SHROOM3: variants seen among roughly 807,000 people sequenced by gnomAD.
SHROOM3 encodes the protein protein Shroom3.
SHROOM3 carries 47 observed loss-of-function variants against 138.6 expected under a neutral mutation model. That is an observed-to-expected ratio of 0.34 (90% CI 0.27 to 0.43). The LOEUF (loss-of-function observed/expected upper bound fraction) is 0.43, where lower values mean the gene tolerates loss of function less well. SHROOM3 is among the 20% of genes least tolerant of loss of function. The pLI, the probability that SHROOM3 is intolerant of heterozygous loss-of-function variation, is 1.00. For missense variants in SHROOM3, 2,491 were observed against 2,596.5 expected (o/e 0.96, Z 0.88); for synonymous variants, 1,062 against 1,063.3 (o/e 1.00, Z 0.02).
At chr4:76,671,282 T>C (rs537588825) in intron 2 of SHROOM3, among the ~76,000 whole-genome samples, 1 of 152,346 alleles carries the variant, frequency 6.6e-6, no homozygotes, top group East Asian at 1.9e-4. Context: ...CCCCACTCCA[T>C]CAGTGTCCAC....
chr4:76,561,988 G>T (rs1445517735), intron 2 of SHROOM3, among the ~76,000 whole-genome samples: 1 of 151,974 alleles, frequency 6.6e-6, no homozygotes, highest in Non-Finnish European at 1.5e-5. Context: ...TCCAGCTTGG[G>T]CAACAAGAGC....
chr4:76,742,157 TC>T (rs1721284926), intron 5 of SHROOM3: 2 of 577,054 alleles, frequency 3.5e-6, no homozygotes, highest in Admixed American at 5.3e-5. Context: ...AGATTCTCTA[TC>T]TATCTGTCTA....
chr4:76,638,914 AC>A (rs907042098), intron 2 of SHROOM3: 16 of 152,270 alleles, frequency 1.1e-4, no homozygotes, highest in African/African-American at 3.9e-4. Context: ...AGACCCTAAA[AC>A]TTTTGCTAAC....
intron 2 of SHROOM3, among the ~76,000 whole-genome samples, chr4:76,632,418 T>G (rs1409288740): frequency 1.3e-5 from 2 of 151,964 alleles, no homozygotes; most frequent in South Asian, 4.2e-4. Flanking sequence ...AGAAACTCAG[T>G]AGGGTGTGGA....
chr4:76,563,667 A>C (rs573262364), intron 2 of SHROOM3, among the ~76,000 whole-genome samples: 3 of 152,208 alleles, frequency 2.0e-5, no homozygotes, highest in Non-Finnish European at 4.4e-5. Context: ...ACATCAAAAG[A>C]TAACTATCAA....
At chr4:76,651,422 A>ATATATG in intron 2 of SHROOM3, among the ~76,000 whole-genome samples, 1 of 97,944 alleles carries the variant, frequency 1.0e-5, no homozygotes. Flanking sequence ...ATATATATAT[A>ATATATG]TATATATATA....
intron 2 of SHROOM3, among the ~76,000 whole-genome samples, chr4:76,708,408 GA>G (rs1720128719): frequency 6.6e-6 from 1 of 150,996 alleles, no homozygotes; most frequent in Non-Finnish European, 1.5e-5. Context: ...AGATGGAGTC[GA>G]AAACTTTGGT....
chr4:76,672,792 T>C (rs558845988), intron 2 of SHROOM3, among the ~76,000 whole-genome samples: 2 of 152,304 alleles, frequency 1.3e-5, no homozygotes, highest in Admixed American at 6.5e-5. Context: ...CAGGATGGTC[T>C]CATCTCCTGA....
intron 1 of SHROOM3, among the ~76,000 whole-genome samples, chr4:76,511,671 G>A (rs1732339289): frequency 6.6e-6 from 1 of 152,206 alleles, no homozygotes; most frequent in Non-Finnish European, 1.5e-5. Context: ...ATGGGGGCTT[G>A]GTAGTGCTCT....
At chr4:76,552,886 A>T (rs1579232230) in intron 1 of SHROOM3, among the ~76,000 whole-genome samples, 1 of 152,252 alleles carries the variant, frequency 6.6e-6, no homozygotes, top group East Asian at 1.9e-4. Flanking sequence ...TGACGTCTAT[A>T]AGTATCCATT....
At chr4:76,713,694 G>A (rs761663795) in intron 3 of SHROOM3, among the ~76,000 whole-genome samples, 1 of 152,134 alleles carries the variant, frequency 6.6e-6, no homozygotes, top group Non-Finnish European at 1.5e-5. Flanking sequence ...TACTTTTAGA[G>A]GACTGGCAAG....
In SHROOM3 at chr4:76,643,100, G is replaced by A. The variant is rs2007995; in HGVS notation, c.324-67056G>A. Among the ~76,000 whole-genome samples, 1,142 of 151,644 alleles carry A rather than the reference G, an allele frequency of 7.5e-3. 8 individuals carry two copies. Among genetic ancestry groups the A allele is most frequent in the Non-Finnish European group, 9.3e-3 (632 of 67,882 alleles). ...TGCATGCCTTTAATCCCAGCTACTC[G>A]GGATTACAGTAGCTGAGGCAGGAGA... On this transcript the variant is annotated intron_variant, in intron 2 of 10. Transcript: ENST00000296043.
At chr4:76,587,112 C>A (rs1330137650) in intron 2 of SHROOM3, 1 of 152,144 alleles carries the variant, frequency 6.6e-6, no homozygotes, top group South Asian at 2.1e-4. Flanking sequence ...GAACGTGCTT[C>A]TGTGTGATTC....
At chr4:76,555,508 G>A (rs888019176) in intron 1 of SHROOM3, 101 bp from the exon 2 acceptor site, 17 of 1,558,622 alleles carry the variant, frequency 1.1e-5, no homozygotes, top group Admixed American at 7.1e-5. Flanking sequence ...TAGCTGGTCC[G>A]TTGGGCTCTG....
At chr4:76,592,195 C>CA (rs1734287473) in intron 2 of SHROOM3, among the ~76,000 whole-genome samples, 1 of 152,116 alleles carries the variant, frequency 6.6e-6, no homozygotes, top group African/African-American at 2.4e-5. Flanking sequence ...GGCCCTGGGG[C>CA]AAACGTGTTT....
chr4:76,754,053 G>A (rs1006591668), intron 6 of SHROOM3, among the ~76,000 whole-genome samples: 2 of 152,174 alleles, frequency 1.3e-5, no homozygotes, highest in Admixed American at 1.3e-4. Context: ...GGGGCGGTGA[G>A]AGGGTTAATA....
At chr4:76,529,127 A>T (rs1732775706) in intron 1 of SHROOM3, among the ~76,000 whole-genome samples, 1 of 152,080 alleles carries the variant, frequency 6.6e-6, no homozygotes, top group Non-Finnish European at 1.5e-5. Context: ...ATGGGGAAGG[A>T]TGTCGGGGAA....
chr4:76,707,123 T>C (rs1257580520), intron 2 of SHROOM3, among the ~76,000 whole-genome samples: 2 of 152,214 alleles, frequency 1.3e-5, no homozygotes, highest in African/African-American at 4.8e-5. Flanking sequence ...CCTTTTAGTA[T>C]CTTTTAAGTA....
rs1452314790 is a variant in SHROOM3 at position 76,689,729 on chromosome 4, G to T, written c.324-20427G>T. 5.1e-6 allele frequency: 5 copies of T among 985,594 alleles called. No individual in the cohort carries two copies. The African/African-American group carries it at 8.7e-5, about 17-fold the overall frequency. The allele number at this position is 985,594 out of a possible 1,614,324, so 61.1% of individuals were successfully genotyped here. A position where few individuals can be genotyped will look rare whatever the true frequency, so the allele number is the denominator to read the frequency against. ...TGAGTGAGGAGGGCGGCTGGGCACGGAGAGGGAGGCGGGGGCCGGCCGGCT... is the reference window on the plus strand; with the variant it reads ...TGAGTGAGGAGGGCGGCTGGGCACGTAGAGGGAGGCGGGGGCCGGCCGGCT... On this transcript the variant is annotated intron_variant, in intron 2 of 10. Transcript: ENST00000296043.
Sources: gnomAD v4.1 joint callset for allele counts (sites outside exome capture counted in the v4.1 genomes callset) on GRCh38, gnomAD v4.1.1 for gene constraint, MANE v1.5 for transcripts, NCBI Gene and HGNC (gene_info 2026-07-23, HGNC 2026-07-21) for gene names.